Variants in IGSF1 observed in about 807,000 individuals in gnomAD.
The protein encoded by IGSF1 is immunoglobulin-like domain-containing protein 1.
A neutral mutation model predicts 95.3 loss-of-function variants in IGSF1; 40 were observed. The ratio of observed to expected loss-of-function variants is 0.42; its 90% CI spans 0.33 to 0.55. IGSF1 has a LOEUF of 0.55. Among genes scored for constraint, IGSF1 ranks in the 20% least tolerant of loss-of-function variants. IGSF1 has a pLI of 0.10. For missense variants in IGSF1, 906 were observed against 1,025.4 expected (o/e 0.88, Z 1.59); for synonymous variants, 372 against 382.9 (o/e 0.97, Z 0.33).
chrX:131,287,060 T>G (rs781404863), intron 1 of IGSF1, among the ~76,000 whole-genome samples: 22 of 107,676 alleles, frequency 2.0e-4, no homozygotes, highest in African/African-American at 7.1e-4. Flanking sequence ...GATATGCATA[T>G]ATATATATAT....
rs369663225 is a variant in IGSF1, at chrX:131,275,498, G to A, written c.3164C>T (p.Thr1055Ile). The change falls in exon 16 of 20, where the codon ACC (threonine) becomes ATC (isoleucine). Residue 1055 changes from threonine to isoleucine, a missense_variant. This residue lies in a region of IGSF1 where 411 missense variants were observed against 494.9 expected (regional missense o/e 0.83). Coordinates refer to ENST00000361420, the MANE Select transcript of IGSF1 (RefSeq NM_001555.5). Reference sequence around the variant, plus strand: ...CTTACCTGTGACTAGGAGTTCCAGGGTGTTGCTAGGTTGTATCTTGATAGA... The same window carrying A: ...CTTACCTGTGACTAGGAGTTCCAGGATGTTGCTAGGTTGTATCTTGATAGA... ...TSSIKIQPSNTLELLVTGLLP... is the reference protein window; with the variant it reads ...TSSIKIQPSNILELLVTGLLP... 87 of 1,208,945 alleles carry A rather than the reference G, an allele frequency of 7.2e-5. No individual in the cohort carries two copies. The highest frequency in any genetic ancestry group is 9.2e-5 in the Non-Finnish European group (82 of 894,517).
intron 11 of IGSF1, 49 bp downstream of exon 11, chrX:131,279,094 T>C (rs772157609): frequency 8.9e-7 from 1 of 1,126,533 alleles, no homozygotes; most frequent in East Asian, 3.0e-5. Flanking sequence ...CTGTAGTTAT[T>C]TCGGATCTCC....
At position 131,275,198 on chromosome X, in the gene IGSF1, C is replaced by A; in HGVS notation, c.3273G>T (p.Leu1091=). Residue 1091 remains leucine (L), a synonymous_variant, in exon 17 of 20, where the codon CTG becomes CTT. Transcript: ENST00000361420. The part of the protein sequence containing the change: ...ENMTLQCQGE[L]PDSTFVLLKE... ...TCAACAGGACAAATGTTGAGTCTGG[C>A]AGTTCCCCTTGACACTGAAGAGTCA... 4 of 1,211,430 alleles carry A rather than the reference C, an allele frequency of 3.3e-6. No homozygotes were observed. The highest frequency in any genetic ancestry group is 4.5e-6 in the Non-Finnish European group (4 of 895,071).
In IGSF1 at chrX:131,289,287, G is replaced by A. The variant is rs1414370710; in HGVS notation, c.-141C>T. 1 of 373,653 alleles carries A rather than the reference G, an allele frequency of 2.7e-6. No homozygotes were observed. Among genetic ancestry groups the A allele is most frequent in the African/African-American group, 2.6e-5 (1 of 39,199 alleles). The allele number at this position is 373,653 out of a possible 1,213,427, so 30.8% of individuals were successfully genotyped here. A position where few individuals can be genotyped will look rare whatever the true frequency, so the allele number is the denominator to read the frequency against. ...CCAGATGCAGCAAACTGCCCGGCATGAGAAGAGCTGTCTAAGGACAGCCTC... is the reference window on the plus strand; with the variant it reads ...CCAGATGCAGCAAACTGCCCGGCATAAGAAGAGCTGTCTAAGGACAGCCTC... On this transcript the variant is annotated 5_prime_UTR_variant, in exon 1 of 20. Transcript: ENST00000361420.
chrX:131,278,037 AGC>A lies in IGSF1; in HGVS notation c.2137_2138del (p.Ala713SerfsTer3). On this transcript the variant is annotated frameshift_variant, in exon 13 of 20. Coordinates refer to ENST00000361420, the MANE Select transcript of IGSF1 (RefSeq NM_001555.5). ...GTTCTTGCTCTCCCTCCTTATACAGAGCAAACCCCATGCCTGCCAGCCATCCT... is the reference window on the plus strand; with the variant it reads ...GTTCTTGCTCTCCCTCCTTATACAGAAAACCCCATGCCTGCCAGCCATCCT... The part of the protein sequence containing the change: ...CKGWLAGMGF[A>X]LYKEGEQEPV... 8.3e-7 allele frequency: 1 copy of A among 1,210,878 alleles called. No homozygotes were observed. Among genetic ancestry groups the A allele is most frequent in the South Asian group, 1.8e-5 (1 of 56,932 alleles).
At position 131,281,211 on chromosome X, in the gene IGSF1, C is replaced by T. The variant is rs373430792; in HGVS notation, c.1646+7G>A. The T allele has an allele frequency of 1.1e-5, 13 of 1,208,760 alleles. No individual in the cohort carries two copies. The highest frequency in any genetic ancestry group is 1.5e-5 in the Non-Finnish European group (13 of 894,522). ...TGGGGAACAGGGGGCTGGGACAAGA[C>T]AGTTACCTGATTCTGAGTCTCCGAC... On this transcript the variant is annotated splice_region_variant and intron_variant, in intron 9 of 19. Transcript: ENST00000361420.
chrX:131,277,758 A>G (rs1225013462), intron 13 of IGSF1, 98 bp downstream of exon 13: 7 of 966,481 alleles, frequency 7.2e-6, no homozygotes, highest in Non-Finnish European at 1.0e-5. Context: ...TCTCAGGACC[A>G]GCAGCAAAGT....
At chrX:131,282,243 G>C (rs1168233896) in intron 7 of IGSF1, among the ~76,000 whole-genome samples, 2 of 111,104 alleles carry the variant, frequency 1.8e-5, no homozygotes, top group African/African-American at 3.3e-5. Context: ...GGTGGAGCTT[G>C]AGGAACAATC....
At position 131,279,194 on chromosome X, in the gene IGSF1, C is replaced by A; in HGVS notation, c.1718-19G>T. 1 of 1,211,007 alleles carries A rather than the reference C, an allele frequency of 8.3e-7. No homozygotes were observed. The highest frequency in any genetic ancestry group is 1.1e-6 in the Non-Finnish European group (1 of 894,773). On this transcript the variant is annotated intron_variant, in intron 10 of 19. Transcript: ENST00000361420. ...CACAGTCCTGCAAAAGAAATTGCTG[C>A]CAGGACTCGGCCCCCTCCCCCACCG... is the stretch of plus-strand genomic sequence containing the variant.
chrX:131,279,202 C>A, intron 10 of IGSF1, 27 bp from the exon 11 acceptor site: 2 of 1,210,607 alleles, frequency 1.7e-6, no homozygotes, highest in Non-Finnish European at 2.2e-6. Context: ...TGCCAGGACT[C>A]GGCCCCCTCC....
Position 131,278,046 on chromosome X carries a change from C to G in IGSF1, c.2130G>C (p.Met710Ile). 1 of 1,211,158 alleles carries G rather than the reference C, an allele frequency of 8.3e-7. No individual in the cohort carries two copies. The highest frequency in any genetic ancestry group is 1.1e-6 in the Non-Finnish European group (1 of 894,884). The change falls in exon 13 of 20, where the codon ATG becomes ATC. Residue 710 changes from methionine (M) to isoleucine (I), a missense_variant. Coordinates refer to ENST00000361420, the MANE Select transcript of IGSF1 (RefSeq NM_001555.5). ...QLRCKGWLAG[M>I]GFALYKEGEQ... ...CTCCCTCCTTATACAGAGCAAACCC[C>G]ATGCCTGCCAGCCATCCTTTGCACC...
chrX:131,276,809 TGGGCCA>T (rs1431391167), intron 14 of IGSF1, 124 bp downstream of exon 14: 1 of 616,568 alleles, frequency 1.6e-6, no homozygotes, highest in Non-Finnish European at 2.5e-6. Flanking sequence ...CTGGTCACTA[TGGGCCA>T]GCCGCTGTCC....
upstream of IGSF1, chrX:131,289,383 T>C (rs764470001): frequency 2.9e-6 from 1 of 349,977 alleles, no homozygotes; most frequent in Admixed American, 2.7e-5. Flanking sequence ...CTCCCCTCCC[T>C]GCGCCGGGCT....
chrX:131,289,259 C>A lies in IGSF1; in HGVS notation c.-113G>T. ...GATGTTGGAGATTCTCCAGTGAGCT[C>A]CTCCAGATGCAGCAAACTGCCCGGC... is the stretch of plus-strand genomic sequence containing the variant. On this transcript the variant is annotated 5_prime_UTR_variant, in exon 1 of 20. It introduces an in-frame stop codon into an upstream open reading frame of the 5' UTR. Coordinates refer to ENST00000361420, the MANE Select transcript of IGSF1 (RefSeq NM_001555.5). 1 of 375,421 alleles carries A rather than the reference C, an allele frequency of 2.7e-6. No individual in the cohort carries two copies. The highest frequency in any genetic ancestry group is 5.2e-6 in the Non-Finnish European group (1 of 192,524). The allele number at this position is 375,421 out of a possible 1,213,427, so 30.9% of individuals were successfully genotyped here.
intron 5 of IGSF1, 54 bp downstream of exon 5, chrX:131,285,125 C>T (rs377451021): frequency 2.7e-5 from 31 of 1,142,707 alleles, no homozygotes; most frequent in Non-Finnish European, 3.6e-5. Flanking sequence ...GCTCAGCCAG[C>T]CATGATACCT....
chrX:131,284,719 G>T (rs867105174), intron 5 of IGSF1: 2 of 731,994 alleles, frequency 2.7e-6, no homozygotes, highest in Non-Finnish European at 3.2e-6. Context: ...TTTGTCATTT[G>T]TTTTTTTTTG....
intron 18 of IGSF1, among the ~76,000 whole-genome samples, 174 bp downstream of exon 18, chrX:131,274,425 T>C (rs878899242): frequency 1.8e-5 from 2 of 111,561 alleles, no homozygotes; most frequent in Admixed American, 1.9e-4. Flanking sequence ...CCACTCACTA[T>C]CTTCAAATAT....
Position 131,275,602 on chromosome X carries a change from G to A in IGSF1, c.3060C>T (p.Asp1020=), listed in dbSNP as rs373040978. 3.0e-5 allele frequency: 36 copies of A among 1,208,381 alleles called. No individual in the cohort carries two copies. Among genetic ancestry groups the A allele is most frequent in the African/African-American group, 3.5e-5 (2 of 56,979 alleles). ...SMQLWGSTSN[D]GAFPITNISG... is the part of the protein sequence containing the mutation. ...ATATATTGGTGATGGGGAATGCCCCGTCATTACTGGTGGATCCCCAGAGCT... is the reference window on the plus strand; with the variant it reads ...ATATATTGGTGATGGGGAATGCCCCATCATTACTGGTGGATCCCCAGAGCT... The change falls in exon 16 of 20, where the codon GAC becomes GAT. Residue 1020 remains aspartate (D), a synonymous_variant. Transcript: ENST00000361420.
chrX:131,278,653 C>T lies in IGSF1; in HGVS notation c.1849G>A (p.Gly617Ser). The T allele has an allele frequency of 8.3e-7, 1 of 1,211,180 alleles. No individual in the cohort carries two copies. The highest frequency in any genetic ancestry group is 1.1e-6 in the Non-Finnish European group (1 of 894,754). The change falls in exon 12 of 20, where the codon GGC (glycine) becomes AGC (serine). Residue 617 changes from glycine to serine, a missense_variant. Around this residue, in one of 5 missense-constraint regions of IGSF1, gnomAD observed 40 missense variants for 33.4 expected, o/e 1.20. Coordinates refer to ENST00000361420, the MANE Select transcript of IGSF1 (RefSeq NM_001555.5). ...NLTLWCRSPS[G>S]STKEFVLLKD... ...AGCAACACAAACTCCTTAGTTGAGC[C>T]AGAAGGGCTTCTGCACCAGAGGGTT...
Sources: allele counts gnomAD v4.1 joint callset (sites outside exome capture counted in the v4.1 genomes callset), GRCh38; gene constraint gnomAD v4.1.1; regional missense constraint gnomAD v4.1.1; transcripts MANE v1.5; gene names NCBI Gene and HGNC (gene_info 2026-07-23, HGNC 2026-07-21).